Variants in ASS1 observed in about 807,000 individuals in gnomAD.
The protein encoded by ASS1 is argininosuccinate synthase.
A neutral mutation model predicts 60.5 loss-of-function variants in ASS1; 58 were observed. That is an observed-to-expected ratio of 0.96 (90% CI 0.78 to 1.19). The LOEUF (loss-of-function observed/expected upper bound fraction) is 1.19, where lower values mean the gene tolerates loss of function less well. Among genes scored for constraint, ASS1 ranks in the 50% most tolerant of loss-of-function variants. ASS1 has a pLI of 0.00. For missense variants in ASS1, 454 were observed against 547.3 expected (o/e 0.83, Z 1.70); for synonymous variants, 200 against 206.9 (o/e 0.97, Z 0.29).
Position 130,479,685 on chromosome 9 carries a change from AGAG to A in ASS1, c.689-29_689-27del, listed in dbSNP as rs540160632. On this transcript the variant is annotated intron_variant, in intron 9 of 14. Transcript: ENST00000352480. ...CAGACTCCTCCGCTGAGCCGGGCCC[AGAG>A]GCCCACTGCCCTCTCTTCCCACCCT... The A allele has an allele frequency of 5.3e-5, 84 of 1,570,814 alleles. No homozygotes were observed. In the African/African-American group the frequency reaches 1.0e-3, roughly 19 times the overall value.
chr9:130,454,679 C>T (rs998416122), intron 3 of ASS1, among the ~76,000 whole-genome samples: 6 of 152,110 alleles, frequency 3.9e-5, no homozygotes, highest in South Asian at 2.1e-4. Flanking sequence ...TTTATCTACT[C>T]GTCCACATAT....
At chr9:130,474,733 C>T (rs1310921060) in intron 8 of ASS1, among the ~76,000 whole-genome samples, 1 of 152,234 alleles carries the variant, frequency 6.6e-6, no homozygotes, top group Non-Finnish European at 1.5e-5. Context: ...GGCCACAGGC[C>T]TCACCCTGTT....
chr9:130,478,295 T>A lies in ASS1; in HGVS notation c.688+1334T>A, dbSNP rs1388793938. Among the ~76,000 whole-genome samples the A allele has an allele frequency of 2.6e-5, 4 of 152,078 alleles. No individual in the cohort carries two copies. The highest frequency in any genetic ancestry group is 7.2e-5 in the African/African-American group (3 of 41,422). The stretch of plus-strand genomic sequence containing the variant: ...CCCTTTAGGATCATCTCTGAGAAGA[T>A]GGTGGGAGTGGCCCCAGCAGCACCT... On this transcript the variant is annotated intron_variant, in intron 9 of 14. Coordinates refer to ENST00000352480, the MANE Select transcript of ASS1 (RefSeq NM_054012.4). This position sits in a 1 kb window ranked among gnomAD's most constrained non-coding sequence, Gnocchi z 4.7.
intron 5 of ASS1, among the ~76,000 whole-genome samples, chr9:130,464,666 G>A (rs1178311607): frequency 6.6e-6 from 1 of 152,130 alleles, no homozygotes; most frequent in Admixed American, 6.5e-5. Context: ...CCTGGGGTGG[G>A]AATCACCAGG....
chr9:130,493,975 T>C (rs1846520179), intron 12 of ASS1, among the ~76,000 whole-genome samples: 1 of 151,986 alleles, frequency 6.6e-6, no homozygotes, highest in Non-Finnish European at 1.5e-5. Flanking sequence ...GGAAGCAGAG[T>C]TGTTACAACT....
intron 3 of ASS1, among the ~76,000 whole-genome samples, chr9:130,456,291 C>A (rs1845448028): frequency 6.6e-6 from 1 of 151,484 alleles, no homozygotes; most frequent in Non-Finnish European, 1.5e-5. Context: ...CATGGTGAAA[C>A]CCTGTCTCTA....
chr9:130,465,050 A>T (rs1367032859), intron 5 of ASS1, among the ~76,000 whole-genome samples: 72 of 91,236 alleles, frequency 7.9e-4, no homozygotes, highest in Admixed American at 1.7e-3. Context: ...ATATATATAT[A>T]TATATATTTT....
intron 10 of ASS1, 36 bp downstream of exon 10, chr9:130,479,836 C>T: frequency 1.3e-6 from 2 of 1,595,494 alleles, no homozygotes; most frequent in Non-Finnish European, 8.6e-7. Flanking sequence ...CTCTTGGGAA[C>T]CGCCGTCTCG....
At chr9:130,457,759 G>A (rs1194565675) in intron 3 of ASS1, among the ~76,000 whole-genome samples, 3 of 152,092 alleles carry the variant, frequency 2.0e-5, no homozygotes, top group African/African-American at 2.4e-5. Context: ...GGACAAAACC[G>A]TCTCTGGTTG....
intron 6 of ASS1, 124 bp downstream of exon 6, chr9:130,466,923 G>C: frequency 3.6e-6 from 4 of 1,124,916 alleles, no homozygotes; most frequent in Non-Finnish European, 5.3e-6. Flanking sequence ...ATGGGGGATT[G>C]AACTTCCACC....
chr9:130,467,067 ACTCT>A lies in ASS1; in HGVS notation c.495+274_495+277del, dbSNP rs1337251746. Among the ~76,000 whole-genome samples, 4 of 151,196 alleles carry A rather than the reference ACTCT, an allele frequency of 2.6e-5. No individual in the cohort carries two copies. In the East Asian group the frequency reaches 7.8e-4, roughly 30 times the overall value. On this transcript the variant is annotated intron_variant, in intron 6 of 14. Transcript: ENST00000352480. ...CCCCGAGCCAGAGGACACAGGGCTC[ACTCT>A]CTCTCCTGCTCCCTGGGAGGCGGAG...
chr9:130,486,213 G>A lies in ASS1; in HGVS notation c.839-3120G>A, dbSNP rs145142973. On this transcript the variant is annotated intron_variant, in intron 11 of 14. Coordinates refer to ENST00000352480, the MANE Select transcript of ASS1 (RefSeq NM_054012.4). ...TGGGCTGAAACGATCCTCCCACCTT[G>A]GCGTAGTAGCTAGGACCACGGGCAC... Among the ~76,000 whole-genome samples, 313 of 152,150 alleles carry A rather than the reference G, an allele frequency of 2.1e-3. 1 individual carries two copies. The highest frequency in any genetic ancestry group is 7.3e-3 in the African/African-American group (303 of 41,508).
chr9:130,496,925 G>A (rs974413751), intron 13 of ASS1, among the ~76,000 whole-genome samples: 3 of 152,246 alleles, frequency 2.0e-5, no homozygotes, highest in African/African-American at 7.2e-5. Context: ...CCTCCTGGAG[G>A]CTGGTTGGGA....
intron 6 of ASS1, 101 bp downstream of exon 6, chr9:130,466,900 C>A: frequency 7.3e-7 from 1 of 1,362,008 alleles, no homozygotes; most frequent in South Asian, 1.2e-5. Context: ...TAGGCCGGGA[C>A]TGACCCCATG....
intron 14 of ASS1, among the ~76,000 whole-genome samples, chr9:130,500,639 G>A (rs924016888): frequency 3.3e-5 from 5 of 151,878 alleles, no homozygotes; most frequent in South Asian, 2.1e-4. Flanking sequence ...TGCCTCCTGC[G>A]CCCTCTGTTT....
In ASS1 at chr9:130,488,877, T is replaced by C. The variant is rs546658075; in HGVS notation, c.839-456T>C. On this transcript the variant is annotated intron_variant, in intron 11 of 14. Coordinates refer to ENST00000352480, the MANE Select transcript of ASS1 (RefSeq NM_054012.4). This position sits in a 1 kb window ranked among gnomAD's most constrained non-coding sequence, Gnocchi z 5.2. ...ACCTGGCCGCAGGGGCCCCATGGGC[T>C]GAAGGTGGCATGTGTGTACACATGT... is the stretch of plus-strand genomic sequence containing the variant. Among the ~76,000 whole-genome samples, 8 of 152,350 alleles carry C rather than the reference T, an allele frequency of 5.3e-5. No homozygotes were observed. Among genetic ancestry groups the C allele is most frequent in the East Asian group, 3.9e-4 (2 of 5,180 alleles).
chr9:130,485,267 C>T (rs750124287), intron 11 of ASS1, among the ~76,000 whole-genome samples: 2 of 152,112 alleles, frequency 1.3e-5, no homozygotes, highest in African/African-American at 2.4e-5. Flanking sequence ...ACCTGGAGGA[C>T]GCTCTGAACA....
chr9:130,480,346 CG>C, intron 10 of ASS1, 38 bp from the exon 11 acceptor site: 1 of 1,612,812 alleles, frequency 6.2e-7, no homozygotes. Context: ...CTGAGCCTTG[CG>C]GTAGCGCCCG....
chr9:130,454,447 C>A (rs1055814423), intron 3 of ASS1, 74 bp downstream of exon 3: 1 of 1,429,920 alleles, frequency 7.0e-7, no homozygotes, highest in Non-Finnish European at 9.7e-7. Flanking sequence ...ATGCTCCTGC[C>A]CCAGGGATCC....
Sources: allele counts gnomAD v4.1 joint callset (sites outside exome capture counted in the v4.1 genomes callset), GRCh38; gene constraint gnomAD v4.1.1; non-coding constraint Gnocchi (gnomAD v3.1); transcripts MANE v1.5; gene names NCBI Gene and HGNC (gene_info 2026-07-23, HGNC 2026-07-21).